FYB1: variants seen among roughly 807,000 people sequenced by gnomAD.
FYB1 encodes the protein FYN binding protein 1.
A neutral mutation model predicts 94.1 loss-of-function variants in FYB1; 41 were observed. That is an observed-to-expected ratio of 0.44 (90% CI 0.34 to 0.57). The LOEUF is 0.57. FYB1 is among the 20% of genes least tolerant of loss of function. The pLI is 0.02. For synonymous variants in FYB1, 367 were observed against 353.2 expected (o/e 1.04, Z -0.44); for missense variants, 1,050 against 976.8 (o/e 1.07, Z -1.00).
chr5:39,169,764 T>A, intron 2 of FYB1: 1 of 489,030 alleles, frequency 2.0e-6, no homozygotes, highest in Non-Finnish European at 4.0e-6. Context: ...TGGGATGTGC[T>A]CAGTGCAGGC....
intron 14 of FYB1, among the ~76,000 whole-genome samples, chr5:39,120,172 G>A (rs1008099548): frequency 1.3e-5 from 2 of 151,894 alleles, no homozygotes; most frequent in African/African-American, 2.4e-5. Flanking sequence ...ATAAGAAGGA[G>A]CTTTTTAAAA....
intron 1 of FYB1, among the ~76,000 whole-genome samples, chr5:39,249,905 C>T (rs1751643419): frequency 6.6e-6 from 1 of 152,140 alleles, no homozygotes; most frequent in Non-Finnish European, 1.5e-5. Context: ...TCCCTATAAC[C>T]CCCATGTGTT....
chr5:39,141,247 C>G (rs1463225750), intron 3 of FYB1, 106 bp from the exon 4 acceptor site: 1 of 810,368 alleles, frequency 1.2e-6, no homozygotes, highest in African/African-American at 1.7e-5. Flanking sequence ...TTTCTTGAAC[C>G]TTTGCTCTGA....
chr5:39,202,266 C>T lies in FYB1; in HGVS notation c.695G>A (p.Arg232Lys), dbSNP rs1312058272. Reference sequence around the variant, plus strand: ...TGGTTTTAAAGGGCCGCTTTTGGACCTGACTCCCAGGGGAGCTGGGGACCC... The same window carrying T: ...TGGTTTTAAAGGGCCGCTTTTGGACTTGACTCCCAGGGGAGCTGGGGACCC... Reference protein sequence around the residue: ...SKGSPAPLGVRSKSGPLKPAR... With the variant: ...SKGSPAPLGVKSKSGPLKPAR... Residue 232 changes from arginine (R) to lysine (K), a missense_variant, in exon 2 of 19, where the codon AGG becomes AAG. Physicochemically the swap from Arg to Lys is conservative, Grantham distance 26. Transcript: ENST00000512982. 2.5e-6 allele frequency: 4 copies of T among 1,613,912 alleles called. No homozygotes were observed. The South Asian group carries it at 4.4e-5, about 18-fold the overall frequency.
intron 13 of FYB1, among the ~76,000 whole-genome samples, chr5:39,123,757 T>A (rs1317082505): frequency 1.3e-5 from 2 of 152,156 alleles, no homozygotes; most frequent in Non-Finnish European, 2.9e-5. Flanking sequence ...CATCTAAAGA[T>A]CTGTCTCAGC....
intron 12 of FYB1, 80 bp downstream of exon 12, chr5:39,125,918 G>A: frequency 7.1e-7 from 1 of 1,402,152 alleles, no homozygotes; most frequent in South Asian, 1.4e-5. Flanking sequence ...TTGGTTATTG[G>A]TTATAGAATA....
chr5:39,233,311 G>A (rs566608851), intron 1 of FYB1, among the ~76,000 whole-genome samples: 6 of 152,242 alleles, frequency 3.9e-5, no homozygotes, highest in Non-Finnish European at 8.8e-5. Flanking sequence ...GAACCATGGT[G>A]AGCATCCTTA....
intron 16 of FYB1, among the ~76,000 whole-genome samples, chr5:39,115,680 AT>A (rs1243544179): frequency 1.3e-5 from 2 of 152,148 alleles, no homozygotes; most frequent in African/African-American, 4.8e-5. Context: ...TGAATTAGCT[AT>A]TTTTAAAAAT....
At chr5:39,256,285 A>G (rs1022379026) in intron 1 of FYB1, among the ~76,000 whole-genome samples, 2 of 152,234 alleles carry the variant, frequency 1.3e-5, no homozygotes, top group African/African-American at 4.8e-5. Context: ...GAGACCTAGC[A>G]TCATTTCCCA....
At chr5:39,130,210 C>T (rs1741068610) in intron 10 of FYB1, among the ~76,000 whole-genome samples, 1 of 151,954 alleles carries the variant, frequency 6.6e-6, no homozygotes, top group African/African-American at 2.4e-5. Context: ...AAGTTTGTTT[C>T]ATGGAGGTAG....
chr5:39,137,623 G>T lies in FYB1; in HGVS notation c.1492C>A (p.Gln498Lys). The change falls in exon 7 of 19, where the codon CAA (glutamine) becomes AAA (lysine). Residue 498 changes from glutamine (Q) to lysine (K), a missense_variant. By Grantham distance (53) the Gln-to-Lys change is moderately conservative. Transcript: ENST00000512982. Reference sequence around the variant, plus strand: ...ACTTTAAATTTCTTCTTTATTTCTTGTTCTTTCTTTTCTTTCTCTTTCTGT... The same window carrying T: ...ACTTTAAATTTCTTCTTTATTTCTTTTTCTTTCTTTTCTTTCTCTTTCTGT... ...KEQKEKEKKE[Q>K]EIKKKFKLTG... 6.5e-7 allele frequency: 1 copy of T among 1,538,510 alleles called. No individual in the cohort carries two copies. Among genetic ancestry groups the T allele is most frequent in the Non-Finnish European group, 8.8e-7 (1 of 1,136,876 alleles).
chr5:39,193,139 G>C (rs1363620278), intron 2 of FYB1, among the ~76,000 whole-genome samples: 2 of 152,180 alleles, frequency 1.3e-5, no homozygotes, highest in Non-Finnish European at 2.9e-5. Context: ...TTGGGGAGGG[G>C]TTAGAGGACA....
At chr5:39,149,475 C>T (rs192009046) in intron 3 of FYB1, among the ~76,000 whole-genome samples, 8 of 152,312 alleles carry the variant, frequency 5.3e-5, no homozygotes, top group Admixed American at 4.6e-4. Context: ...ATCTTTCCAT[C>T]AGCCTACAAA....
At chr5:39,139,073 C>A in intron 5 of FYB1, 160 bp downstream of exon 5, 1 of 782,404 alleles carries the variant, frequency 1.3e-6, no homozygotes, top group Non-Finnish European at 1.9e-6. Context: ...TAGTGTGTAA[C>A]ATCTTAAGCA....
At chr5:39,252,663 G>A (rs932662325) in intron 1 of FYB1, among the ~76,000 whole-genome samples, 2 of 152,122 alleles carry the variant, frequency 1.3e-5, no homozygotes, top group South Asian at 4.1e-4. Context: ...CTAAGTTTAT[G>A]AAACAGCAAG....
chr5:39,130,684 C>T (rs1741113663), intron 9 of FYB1, 72 bp from the exon 10 acceptor site: 1 of 1,144,980 alleles, frequency 8.7e-7, no homozygotes, highest in Non-Finnish European at 1.3e-6. Flanking sequence ...AGTACATATC[C>T]TGATTAGTTA....
chr5:39,124,886 T>C (rs1740486717), intron 12 of FYB1, among the ~76,000 whole-genome samples: 1 of 151,284 alleles, frequency 6.6e-6, no homozygotes, highest in Non-Finnish European at 1.5e-5. Context: ...CATGCTTCTA[T>C]TTTCTGAAAT....
intron 2 of FYB1, among the ~76,000 whole-genome samples, chr5:39,181,440 A>G (rs1470211813): frequency 6.6e-6 from 1 of 152,218 alleles, no homozygotes; most frequent in Non-Finnish European, 1.5e-5. Flanking sequence ...AGGACAGTAT[A>G]GAACTGATAG....
intron 2 of FYB1, among the ~76,000 whole-genome samples, chr5:39,159,268 CTT>C (rs777844957): frequency 6.6e-6 from 1 of 152,126 alleles, no homozygotes; most frequent in Non-Finnish European, 1.5e-5. Context: ...GGCATATAGA[CTT>C]TTATTTTCTC....
Sources: gnomAD v4.1 joint callset for allele counts (sites outside exome capture counted in the v4.1 genomes callset) on GRCh38, gnomAD v4.1.1 for gene constraint, MANE v1.5 for transcripts, NCBI Gene and HGNC (gene_info 2026-07-23, HGNC 2026-07-21) for gene names.